The following ZNF248 variants were observed in gnomAD, a reference collection of about 807,000 sequenced individuals.
ZNF248 encodes KRAB protein domain.
A neutral mutation model predicts 44.3 loss-of-function variants in ZNF248; 20 were observed. The ratio of observed to expected loss-of-function variants is 0.45; its 90% CI spans 0.32 to 0.66. ZNF248 has a LOEUF of 0.66. ZNF248 is among the 30% of genes least tolerant of loss of function. The pLI is 0.04. For synonymous variants in ZNF248, 224 were observed against 229.0 expected (o/e 0.98, Z 0.20); for missense variants, 654 against 677.0 (o/e 0.97, Z 0.38).
At chr10:37,775,960 T>C (rs189147497), downstream of ZNF248, among the ~76,000 whole-genome samples, 1 of 152,342 alleles carries the variant, frequency 6.6e-6, no homozygotes, top group East Asian at 1.9e-4. Flanking sequence ...TGGATGAGTC[T>C]GGACAGGTTA....
At chr10:37,766,209 A>G in the ZNF248 span, among the ~76,000 whole-genome samples, 1 of 152,252 alleles carries the variant, frequency 6.6e-6, no homozygotes, top group Non-Finnish European at 1.5e-5. Flanking sequence ...AAAAGACAGC[A>G]GTAACCTCTG....
chr10:37,788,758 G>A (rs1415878916), intron 6 of ZNF248, among the ~76,000 whole-genome samples: 1 of 152,194 alleles, frequency 6.6e-6, no homozygotes, highest in African/African-American at 2.4e-5. Context: ...AACAAATGAT[G>A]TTGAGGATAT....
chr10:37,768,670 G>A, the ZNF248 span, among the ~76,000 whole-genome samples: 4 of 152,114 alleles, frequency 2.6e-5, no homozygotes, highest in Non-Finnish European at 5.9e-5. Flanking sequence ...GAGAAAGGAG[G>A]AAAGATCCAA....
chr10:37,759,951 A>T, the ZNF248 span, among the ~76,000 whole-genome samples: 2 of 152,164 alleles, frequency 1.3e-5, no homozygotes, highest in African/African-American at 4.8e-5. Context: ...ATCAGGGCTC[A>T]GGGAGCTGAC....
intron 6 of ZNF248, chr10:37,794,221 C>T (rs2048884974): frequency 6.6e-6 from 1 of 152,210 alleles, no homozygotes; most frequent in Admixed American, 6.5e-5. Flanking sequence ...TGTCTTCTAG[C>T]AAAAGGATTT....
Position 37,832,490 on chromosome 10 carries a change from T to G in ZNF248, c.865A>C (p.Arg289=), listed in dbSNP as rs754638978. The G allele has an allele frequency of 3.1e-6, 5 of 1,613,956 alleles. No individual in the cohort carries two copies. The highest frequency in any genetic ancestry group is 1.1e-5 in the South Asian group (1 of 91,080). ...FCMNLRFGHQ[R]ALTKDNPYEY... The stretch of plus-strand genomic sequence containing the variant: ...TAAGGATTGTCCTTTGTAAGAGCTC[T>G]CTGATGTCCAAACCTTAAATTCATG... Residue 289 remains arginine, a synonymous_variant, in exon 6 of 6, where the codon AGA becomes CGA. Transcript: ENST00000395867.
chr10:37,844,222 C>A (rs955799212), intron 3 of ZNF248, among the ~76,000 whole-genome samples: 5 of 152,012 alleles, frequency 3.3e-5, no homozygotes. Context: ...GGGGAAAAAA[C>A]AAAAATAAAA....
chr10:37,852,646 G>C (rs147754247), intron 3 of ZNF248, among the ~76,000 whole-genome samples: 37 of 149,838 alleles, frequency 2.5e-4, no homozygotes, highest in Middle Eastern at 3.6e-3. Flanking sequence ...TCTATATATA[G>C]ATATAGATAT....
chr10:37,856,682 C>G, intron 1 of ZNF248, 150 bp from the exon 2 acceptor site: 1 of 1,005,492 alleles, frequency 9.9e-7, no homozygotes, highest in Non-Finnish European at 1.2e-6. Context: ...CTGTTAACAC[C>G]ATTAATGCCC....
intron 6 of ZNF248, among the ~76,000 whole-genome samples, chr10:37,804,214 T>A (rs1333034338): frequency 7.0e-6 from 1 of 143,698 alleles, no homozygotes; most frequent in African/African-American, 2.6e-5. Flanking sequence ...AAGCGATATT[T>A]CAGAGTGCAG....
At position 37,832,516 on chromosome 10, in the gene ZNF248, CAGA is replaced by C. The variant is rs772585378; in HGVS notation, c.836_838del (p.Phe279del). 1.2e-6 allele frequency: 2 copies of C among 1,613,926 alleles called. No homozygotes were observed. The highest frequency in any genetic ancestry group is 1.3e-5 in the African/African-American group (1 of 75,032). On this transcript the variant is annotated inframe_deletion, in exon 6 of 6. Transcript: ENST00000395867. ...CTGATGTCCAAACCTTAAATTCATG[CAGA>C]AGGACTTCCCGCAAATACTGCATCC...
the ZNF248 span, among the ~76,000 whole-genome samples, chr10:37,769,176 C>T: frequency 6.6e-6 from 1 of 152,134 alleles, no homozygotes; most frequent in African/African-American, 2.4e-5. Context: ...GAATCACAGC[C>T]GAATTCTACC....
intron 6 of ZNF248, among the ~76,000 whole-genome samples, chr10:37,812,637 T>C (rs565563137): frequency 5.9e-5 from 9 of 152,126 alleles, no homozygotes; most frequent in Non-Finnish European, 1.3e-4. Context: ...TCCTTTGATA[T>C]TGAGCATGCC....
intron 6 of ZNF248, among the ~76,000 whole-genome samples, chr10:37,777,695 C>T (rs1161461559): frequency 8.0e-6 from 1 of 125,762 alleles, no homozygotes; most frequent in Non-Finnish European, 1.6e-5. Flanking sequence ...CTCCCCCCAC[C>T]CCACAACAGT....
chr10:37,839,217 G>A (rs187826815), intron 3 of ZNF248, among the ~76,000 whole-genome samples: 4 of 152,228 alleles, frequency 2.6e-5, no homozygotes, highest in Admixed American at 1.3e-4. Flanking sequence ...CACATTTTAC[G>A]TGCGTTGTCA....
chr10:37,758,899 T>C, the ZNF248 span, among the ~76,000 whole-genome samples: 1 of 152,244 alleles, frequency 6.6e-6, no homozygotes, highest in Non-Finnish European at 1.5e-5. Context: ...GCGTTGTCCT[T>C]ACTTATCCCA....
chr10:37,781,109 T>C (rs2047267824), intron 6 of ZNF248, among the ~76,000 whole-genome samples: 1 of 152,180 alleles, frequency 6.6e-6, no homozygotes, highest in Admixed American at 6.5e-5. Context: ...TAGAATGTGA[T>C]TTTATTTCAA....
chr10:37,766,337 A>T, the ZNF248 span, among the ~76,000 whole-genome samples: 1 of 152,164 alleles, frequency 6.6e-6, no homozygotes, highest in Non-Finnish European at 1.5e-5. Flanking sequence ...CCCCCAAGCA[A>T]TCTAACTGGG....
chr10:37,828,225 G>C (rs1207485809), downstream of ZNF248, among the ~76,000 whole-genome samples: 1 of 152,130 alleles, frequency 6.6e-6, no homozygotes, highest in Non-Finnish European at 1.5e-5. Context: ...ACTCTTCTTC[G>C]AGATCTTATC....
Sources: gnomAD v4.1 joint callset for allele counts (sites outside exome capture counted in the v4.1 genomes callset) on GRCh38, gnomAD v4.1.1 for gene constraint, MANE v1.5 for transcripts, NCBI Gene and HGNC (gene_info 2026-07-23, HGNC 2026-07-21) for gene names.